ADAMTS20: variants seen among roughly 807,000 people sequenced by gnomAD.
ADAMTS20 encodes ADAM metallopeptidase with thrombospondin type 1 motif 20.
Under a neutral mutation model 260.1 loss-of-function variants are expected in ADAMTS20, and 225 were observed. The observed-to-expected ratio is 0.87, with a 90% CI of 0.78 to 0.97. The LOEUF (loss-of-function observed/expected upper bound fraction) is 0.97, where lower values mean the gene tolerates loss of function less well. Ranked by LOEUF, ADAMTS20 falls within the 50% of genes least tolerant of loss-of-function variation. ADAMTS20 has a pLI of 0.00. For missense variants in ADAMTS20, 2,400 were observed against 2,337.7 expected (o/e 1.03, Z -0.55); for synonymous variants, 802 against 769.5 (o/e 1.04, Z -0.70).
chr12:43,361,533 C>A (rs1206958495), intron 37 of ADAMTS20, among the ~76,000 whole-genome samples: 2 of 152,222 alleles, frequency 1.3e-5, no homozygotes, highest in African/African-American at 4.8e-5. Context: ...CATTTTATTG[C>A]CAGTTCTGCC....
At chr12:43,547,237 A>T (rs1298475270) in intron 2 of ADAMTS20, among the ~76,000 whole-genome samples, 3 of 152,216 alleles carry the variant, frequency 2.0e-5, no homozygotes, top group Non-Finnish European at 4.4e-5. Flanking sequence ...TTTCTCTAAA[A>T]GCCACATTCG....
chr12:43,528,146 A>G (rs946928204), intron 3 of ADAMTS20, among the ~76,000 whole-genome samples: 8 of 151,994 alleles, frequency 5.3e-5, no homozygotes, highest in African/African-American at 1.9e-4. Flanking sequence ...GAGGTGAAAG[A>G]TCTCAACAAG....
At chr12:43,531,918 T>A (rs998858699) in intron 3 of ADAMTS20, 118 bp downstream of exon 3, 17 of 733,318 alleles carry the variant, frequency 2.3e-5, no homozygotes, top group Admixed American at 1.3e-4. Flanking sequence ...TTTCTGAATT[T>A]AAAAAATTAA....
rs372987537 is a variant in ADAMTS20 at position 43,417,562 on chromosome 12, C to A, written c.4284+7952G>T. Among the ~76,000 whole-genome samples the A allele has an allele frequency of 2.0e-4, 30 of 152,254 alleles. No homozygotes were observed. The East Asian group carries it at 5.2e-3, about 26-fold the overall frequency. On this transcript the variant is annotated intron_variant, in intron 28 of 38. Transcript: ENST00000389420. ...AAGCGGTCAATGGTGGCTATAAAAA[C>A]AAATTACGTAATTCCAATACTGACT...
intron 28 of ADAMTS20, 107 bp downstream of exon 28, chr12:43,425,405 ACC>A: frequency 1.0e-6 from 1 of 977,896 alleles, no homozygotes; most frequent in Non-Finnish European, 1.4e-6. Context: ...TTGCACATGT[ACC>A]CCTGAATGTA....
intron 28 of ADAMTS20, among the ~76,000 whole-genome samples, chr12:43,424,749 G>T (rs892070458): frequency 1.3e-5 from 2 of 151,834 alleles, no homozygotes; most frequent in Admixed American, 1.3e-4. Flanking sequence ...TTAATTGACA[G>T]CAAGCCAAAC....
At chr12:43,548,678 T>C (rs1943472873) in intron 2 of ADAMTS20, among the ~76,000 whole-genome samples, 1 of 152,166 alleles carries the variant, frequency 6.6e-6, no homozygotes, top group East Asian at 1.9e-4. Flanking sequence ...ACTAATCTCA[T>C]CAGTAATTTA....
intron 3 of ADAMTS20, among the ~76,000 whole-genome samples, chr12:43,528,490 GA>G (rs1943177642): frequency 6.6e-6 from 1 of 150,704 alleles, no homozygotes; most frequent in Admixed American, 6.6e-5. Flanking sequence ...ACAGAATAGA[GA>G]ACCTACAAAT....
chr12:43,376,710 A>C lies in ADAMTS20; in HGVS notation c.4996-57T>G, dbSNP rs1428377712. The C allele has an allele frequency of 1.9e-6, 3 of 1,549,118 alleles. No individual in the cohort carries two copies. In the African/African-American group the frequency reaches 4.1e-5, roughly 21 times the overall value. On this transcript the variant is annotated intron_variant, in intron 32 of 38. Coordinates refer to ENST00000389420, the MANE Select transcript of ADAMTS20 (RefSeq NM_025003.5). ...ATATTATGAATCTTAAGGCCATAAA[A>C]TCCAAGTCTCCTTTTCTTAGACCAG...
intron 28 of ADAMTS20, among the ~76,000 whole-genome samples, chr12:43,402,934 T>C (rs1307823141): frequency 1.3e-5 from 2 of 152,092 alleles, no homozygotes; most frequent in Admixed American, 6.6e-5. Context: ...ATTTCAGAAG[T>C]AGTGATACTA....
chr12:43,361,456 C>G (rs980340060), intron 37 of ADAMTS20, among the ~76,000 whole-genome samples: 4 of 152,226 alleles, frequency 2.6e-5, no homozygotes, highest in African/African-American at 9.7e-5. Context: ...GGAAATGGAG[C>G]TTTGCGTTTC....
chr12:43,422,766 C>T (rs1204261339), intron 28 of ADAMTS20: 1 of 152,028 alleles, frequency 6.6e-6, no homozygotes, highest in Non-Finnish European at 1.5e-5. Context: ...TTCTGCACAT[C>T]TGTCTTACTA....
intron 22 of ADAMTS20, 47 bp from the exon 23 acceptor site, chr12:43,430,518 T>G: frequency 4.5e-6 from 7 of 1,545,972 alleles, no homozygotes; most frequent in Non-Finnish European, 6.1e-6. Flanking sequence ...TCCCAAAAGT[T>G]ACACAAACTT....
At chr12:43,395,469 GTTTC>G (rs2137245919) in intron 29 of ADAMTS20, among the ~76,000 whole-genome samples, 1 of 152,118 alleles carries the variant, frequency 6.6e-6, no homozygotes, top group South Asian at 2.1e-4. Context: ...TTAGCATACA[GTTTC>G]TTTCTTTTCT....
chr12:43,471,713 C>T (rs1191664849), intron 7 of ADAMTS20, among the ~76,000 whole-genome samples: 2 of 142,646 alleles, frequency 1.4e-5, no homozygotes, highest in African/African-American at 5.3e-5. Flanking sequence ...GAGGCACCCC[C>T]CAGCAGGGGC....
At chr12:43,424,330 G>C (rs147817299) in intron 28 of ADAMTS20, among the ~76,000 whole-genome samples, 116 of 152,104 alleles carry the variant, frequency 7.6e-4, no homozygotes, top group African/African-American at 2.5e-3. Context: ...AAATAATCAT[G>C]AACAAAGTTT....
chr12:43,482,295 C>T (rs1374914066), intron 7 of ADAMTS20, among the ~76,000 whole-genome samples: 1 of 152,192 alleles, frequency 6.6e-6, no homozygotes, highest in Non-Finnish European at 1.5e-5. Context: ...TGTGTTGTCA[C>T]CACGGGGGCA....
chr12:43,547,080 A>G (rs973456807), intron 2 of ADAMTS20, among the ~76,000 whole-genome samples: 1 of 152,252 alleles, frequency 6.6e-6, no homozygotes, highest in Non-Finnish European at 1.5e-5. Flanking sequence ...CCATATAGAA[A>G]TTAAAAGAAA....
At chr12:43,434,436 A>C in intron 18 of ADAMTS20, 65 bp from the exon 19 acceptor site, 2 of 1,488,354 alleles carry the variant, frequency 1.3e-6, no homozygotes. Context: ...TTCCATAATT[A>C]TGTAATTCTG....
Sources: gnomAD v4.1 joint callset for allele counts (sites outside exome capture counted in the v4.1 genomes callset) on GRCh38, gnomAD v4.1.1 for gene constraint, MANE v1.5 for transcripts, NCBI Gene and HGNC (gene_info 2026-07-23, HGNC 2026-07-21) for gene names.